The following ST7 variants were observed in gnomAD, a reference collection of about 807,000 sequenced individuals.
ST7 encodes the protein suppressor of tumorigenicity 7 protein.
Under a neutral mutation model 78.7 loss-of-function variants are expected in ST7, and 28 were observed. The observed-to-expected ratio is 0.36, with a 90% CI of 0.26 to 0.49. The LOEUF (loss-of-function observed/expected upper bound fraction) is 0.49. Ranked by LOEUF, ST7 falls within the 20% of genes least tolerant of loss-of-function variation. The pLI, the probability that ST7 is intolerant of heterozygous loss-of-function variation, is 0.99. For synonymous variants in ST7, 247 were observed against 249.6 expected (o/e 0.99, Z 0.10); for missense variants, 418 against 696.0 (o/e 0.60, Z 4.49).
chr7:117,051,800 G>T (rs1037179304), intron 1 of ST7, among the ~76,000 whole-genome samples: 11 of 152,190 alleles, frequency 7.2e-5, no homozygotes, highest in Admixed American at 6.5e-5. Context: ...GGGAGACAGA[G>T]AAATCAAGGA....
intron 1 of ST7, among the ~76,000 whole-genome samples, chr7:117,087,535 G>C (rs1050964462): frequency 1.3e-5 from 2 of 152,120 alleles, no homozygotes; most frequent in Non-Finnish European, 2.9e-5. Context: ...TCATAGAAGG[G>C]CTGATTGTTC....
chr7:117,126,744 G>A (rs1483620143), intron 3 of ST7, among the ~76,000 whole-genome samples: 1 of 151,836 alleles, frequency 6.6e-6, no homozygotes, highest in African/African-American at 2.4e-5. Context: ...GAAAAAAAAG[G>A]ATTAGAGCTT....
At chr7:117,105,089 T>C (rs1801850104) in intron 2 of ST7, among the ~76,000 whole-genome samples, 1 of 152,198 alleles carries the variant, frequency 6.6e-6, no homozygotes, top group Non-Finnish European at 1.5e-5. Context: ...GGTTAATTTG[T>C]AAATAGTTCT....
At chr7:117,047,912 C>A (rs569881634) in intron 1 of ST7, among the ~76,000 whole-genome samples, 1 of 152,150 alleles carries the variant, frequency 6.6e-6, no homozygotes, top group South Asian at 2.1e-4. Flanking sequence ...GGATGCTAAC[C>A]CATGTGCAGT....
At chr7:117,057,183 T>C (rs1798107397) in intron 1 of ST7, among the ~76,000 whole-genome samples, 1 of 152,224 alleles carries the variant, frequency 6.6e-6, no homozygotes, top group Admixed American at 6.5e-5. Flanking sequence ...ATATACATAC[T>C]TAGAGCTGTA....
chr7:116,983,657 C>T (rs1320851813), intron 1 of ST7, among the ~76,000 whole-genome samples: 2 of 152,076 alleles, frequency 1.3e-5, no homozygotes, highest in East Asian at 1.9e-4. Flanking sequence ...CCGCATGCAT[C>T]GATGCTGTCC....
chr7:117,112,480 A>T (rs1802516431), intron 2 of ST7: 1 of 152,230 alleles, frequency 6.6e-6, no homozygotes, highest in South Asian at 2.1e-4. Context: ...ATAGCAGTTA[A>T]ATCATGAGAT....
At chr7:117,064,463 C>T (rs767059654) in intron 1 of ST7, among the ~76,000 whole-genome samples, 2 of 152,178 alleles carry the variant, frequency 1.3e-5, no homozygotes, top group South Asian at 2.1e-4. Flanking sequence ...TTATTACAAA[C>T]ATCCTTCAGA....
intron 15 of ST7, among the ~76,000 whole-genome samples, chr7:117,228,104 T>C (rs1793565166): frequency 6.6e-6 from 1 of 152,220 alleles, no homozygotes; most frequent in South Asian, 2.1e-4. Context: ...GGGCCCACCC[T>C]GCTCCTATTT....
chr7:116,968,500 C>CCT, intron 1 of ST7: 1 of 428,660 alleles, frequency 2.3e-6, no homozygotes, highest in South Asian at 1.7e-5. Context: ...CGCCACCATG[C>CCT]CTGGCTTAGA....
chr7:117,211,474 G>A (rs1792287838), intron 13 of ST7, among the ~76,000 whole-genome samples: 2 of 152,206 alleles, frequency 1.3e-5, no homozygotes, highest in Non-Finnish European at 2.9e-5. Context: ...GCCCAGCAGG[G>A]TTGAACGGGA....
chr7:117,124,083 G>A (rs1214045199), intron 3 of ST7, among the ~76,000 whole-genome samples: 1 of 151,934 alleles, frequency 6.6e-6, no homozygotes, highest in East Asian at 1.9e-4. Context: ...ATGGCCAGAA[G>A]CAATTTAAGT....
intron 9 of ST7, among the ~76,000 whole-genome samples, chr7:117,162,343 A>C (rs1473038628): frequency 6.6e-6 from 1 of 152,084 alleles, no homozygotes; most frequent in African/African-American, 2.4e-5. Flanking sequence ...GGGGGAAAAA[A>C]TAAAACTGCT....
chr7:117,020,564 TTTTC>T (rs1400310175), intron 1 of ST7: 40 of 1,545,496 alleles, frequency 2.6e-5, no homozygotes, highest in Non-Finnish European at 3.5e-5. Flanking sequence ...TTTTTTTCCC[TTTTC>T]TTTCTTCTAA....
intron 9 of ST7, among the ~76,000 whole-genome samples, chr7:117,152,667 T>G (rs1403601472): frequency 6.6e-6 from 1 of 152,166 alleles, no homozygotes; most frequent in Non-Finnish European, 1.5e-5. Context: ...CCATCTACAT[T>G]TGTAAGTCTT....
intron 1 of ST7, among the ~76,000 whole-genome samples, chr7:116,968,989 C>A (rs955563721): frequency 1.3e-5 from 2 of 152,142 alleles, no homozygotes; most frequent in East Asian, 3.8e-4. Context: ...TAGAAAGGGA[C>A]AGGAAATAAT....
intron 1 of ST7, among the ~76,000 whole-genome samples, chr7:116,990,647 C>T (rs1329620883): frequency 3.3e-5 from 5 of 152,176 alleles, no homozygotes; most frequent in Admixed American, 3.3e-4. Flanking sequence ...ATACTCTTTT[C>T]AGGTTTCTAA....
rs1232115232 is a variant in ST7, at chr7:117,097,902, ATATATATTT to A, written c.152-1858_152-1850del. 5.1e-4 allele frequency among the ~76,000 whole-genome samples: 16 copies of A among 31,256 alleles called. 1 individual carries two copies. Among genetic ancestry groups the A allele is most frequent in the African/African-American group, 1.7e-3 (14 of 8,238 alleles). 20.5% of individuals were successfully genotyped at this position (31,256 alleles called of 152,430 possible). A position where few individuals can be genotyped will look rare whatever the true frequency, so the allele number is the denominator to read the frequency against. On this transcript the variant is annotated intron_variant, in intron 1 of 15. Coordinates refer to ENST00000323984, the MANE Select transcript of ST7 (RefSeq NM_001369598.1). The stretch of plus-strand genomic sequence containing the variant: ...TCACTATATATATATATATATATAT[ATATATATTT>A]TTTTTTTTTTTTTTTTTGATGGCCA...
intron 12 of ST7, among the ~76,000 whole-genome samples, chr7:117,193,810 C>T (rs1810019291): frequency 1.3e-5 from 2 of 152,224 alleles, no homozygotes; most frequent in African/African-American, 4.8e-5. Flanking sequence ...GCATAATTGT[C>T]ATCTTCTCTG....
Sources: allele counts gnomAD v4.1 joint callset (sites outside exome capture counted in the v4.1 genomes callset), GRCh38; gene constraint gnomAD v4.1.1; transcripts MANE v1.5; gene names NCBI Gene and HGNC (gene_info 2026-07-23, HGNC 2026-07-21).